The following EFL1 variants were observed in gnomAD, a reference collection of about 807,000 sequenced individuals.
EFL1 encodes elongation factor like GTPase 1.
Under a neutral mutation model 126.7 loss-of-function variants are expected in EFL1, and 76 were observed. That is an observed-to-expected ratio of 0.60 (90% CI 0.50 to 0.73). The LOEUF (loss-of-function observed/expected upper bound fraction) is 0.73. EFL1 is among the 30% of genes least tolerant of loss of function. The pLI is 0.00. For synonymous variants in EFL1, 410 were observed against 448.4 expected, an observed-to-expected ratio of 0.91 and a Z score of 1.08; for missense variants, 1,128 against 1,343.2, an observed-to-expected ratio of 0.84 and a Z score of 2.50.
intron 15 of EFL1, among the ~76,000 whole-genome samples, chr15:82,187,255 T>C (rs954936951): frequency 6.6e-6 from 1 of 152,204 alleles, no homozygotes; most frequent in Admixed American, 6.5e-5. Context: ...TTCTTTCTAA[T>C]AGCGAAAACA....
In EFL1 at chr15:82,131,726, A is replaced by G. The variant is rs182390958; in HGVS notation, c.3175-1165T>C. Among the ~76,000 whole-genome samples, 985 of 152,120 alleles carry G rather than the reference A, an allele frequency of 6.5e-3. 7 individuals are homozygous for G. Among genetic ancestry groups the G allele is most frequent in the African/African-American group, 0.022 (909 of 41,516 alleles). ...AGAATCTCTTGAACCCAGGAGGTGG[A>G]GGTTGTGGTGAGCCAAGATCACACC... On this transcript the variant is annotated intron_variant, in intron 19 of 19. Transcript: ENST00000268206.
chr15:82,256,948 T>C (rs1201562025), intron 3 of EFL1, among the ~76,000 whole-genome samples: 2 of 152,204 alleles, frequency 1.3e-5, no homozygotes, highest in African/African-American at 4.8e-5. Context: ...TAACAGACTT[T>C]TGGTATCAAA....
intron 19 of EFL1, among the ~76,000 whole-genome samples, chr15:82,135,372 A>G (rs1360866110): frequency 1.3e-5 from 2 of 152,138 alleles, no homozygotes; most frequent in African/African-American, 4.8e-5. Flanking sequence ...AAAACTGCCT[A>G]TTTGGTAAAA....
chr15:82,219,798 T>C lies in EFL1; in HGVS notation c.1465A>G (p.Ser489Gly), dbSNP rs375799865. 42 of 1,606,562 alleles carry C rather than the reference T, an allele frequency of 2.6e-5. No homozygotes were observed. The African/African-American group carries it at 5.6e-4, about 22-fold the overall frequency. The change falls in exon 14 of 20, where the codon AGT (serine) becomes GGT (glycine). Residue 489 changes from serine (S) to glycine (G), a missense_variant. Ser to Gly is a moderately conservative substitution (Grantham distance 56). This residue lies in a region of EFL1 where 120 missense variants were observed against 142.1 expected (regional missense o/e 0.84). Transcript: ENST00000268206. ...EPRGDEQQVE[S>G]MTPKPVLQEE... ...TGGAGCACAGGTTTAGGGGTCATAC[T>C]TTCCACCTGTTGCTCGTCACCTGAC...
chr15:82,198,942 C>T (rs1291154964), intron 15 of EFL1, among the ~76,000 whole-genome samples: 1 of 151,906 alleles, frequency 6.6e-6, no homozygotes, highest in Non-Finnish European at 1.5e-5. Flanking sequence ...ATATAGTAAG[C>T]ACAAAATAAA....
chr15:82,168,529 G>C (rs867966358), intron 15 of EFL1, among the ~76,000 whole-genome samples: 1 of 152,140 alleles, frequency 6.6e-6, no homozygotes, highest in Non-Finnish European at 1.5e-5. Context: ...GTTTGTTTTT[G>C]AGACGGAATC....
chr15:82,203,117 C>T lies in EFL1; in HGVS notation c.1750+11600G>A, dbSNP rs138876541. 2.2e-3 allele frequency among the ~76,000 whole-genome samples: 329 copies of T among 151,924 alleles called. 1 individual carries two copies. Among genetic ancestry groups the T allele is most frequent in the African/African-American group, 7.5e-3 (310 of 41,424 alleles). The stretch of plus-strand genomic sequence containing the variant: ...TGACCCACCACGCCCAGACTGTTCC[C>T]TAACTTTTTGAAGAAAAAACTCGTT... On this transcript the variant is annotated intron_variant, in intron 15 of 19. Coordinates refer to ENST00000268206, the MANE Select transcript of EFL1 (RefSeq NM_024580.6).
At chr15:82,217,395 A>C (rs1348661947) in intron 14 of EFL1, among the ~76,000 whole-genome samples, 1 of 139,250 alleles carries the variant, frequency 7.2e-6, no homozygotes, top group Non-Finnish European at 1.6e-5. Flanking sequence ...AAAAAAAAAA[A>C]CGAAAACAGC....
chr15:82,168,627 C>T (rs113478191), intron 15 of EFL1, among the ~76,000 whole-genome samples: 2 of 152,188 alleles, frequency 1.3e-5, no homozygotes, highest in African/African-American at 4.8e-5. Flanking sequence ...ATTCTCCCAT[C>T]TCAGCCTCCC....
At chr15:82,227,633 T>G in intron 10 of EFL1, 61 bp from the exon 11 acceptor site, 1 of 1,610,122 alleles carries the variant, frequency 6.2e-7, no homozygotes, top group Non-Finnish European at 8.5e-7. Context: ...AGGCGAAGAT[T>G]CACTGTATGC....
chr15:82,197,013 C>T (rs1425064642), intron 15 of EFL1, among the ~76,000 whole-genome samples: 1 of 143,790 alleles, frequency 7.0e-6, no homozygotes, highest in East Asian at 2.0e-4. Flanking sequence ...GCTTGGGCGA[C>T]AGAGCAAAAC....
At chr15:82,234,272 A>G (rs1371127135) in intron 7 of EFL1, among the ~76,000 whole-genome samples, 1 of 152,168 alleles carries the variant, frequency 6.6e-6, no homozygotes, top group Non-Finnish European at 1.5e-5. Flanking sequence ...AACAAGTACG[A>G]CCGTATTATA....
intron 19 of EFL1, among the ~76,000 whole-genome samples, chr15:82,132,739 G>A (rs866661142): frequency 5.0e-5 from 7 of 140,000 alleles, no homozygotes; most frequent in Admixed American, 7.3e-5. Context: ...GAATTTAGAC[G>A]AGAAACGGCA....
At chr15:82,255,645 G>A (rs1423371202) in intron 3 of EFL1, among the ~76,000 whole-genome samples, 1 of 152,092 alleles carries the variant, frequency 6.6e-6, no homozygotes, top group Non-Finnish European at 1.5e-5. Flanking sequence ...AAATAAAAAT[G>A]TCTTAACTGT....
Position 82,152,228 on chromosome 15 carries a change from T to C in EFL1, c.2226A>G (p.Ile742Met). ...IQVDSDGLIT[I>M]TTPNKLATLS... ...GCGTGGCAAGTTTATTGGGAGTTGT[T>C]ATGGTGATTAGCCCGTCAGAGTCAA... The change falls in exon 18 of 20, where the codon ATA becomes ATG. Residue 742 changes from isoleucine (I) to methionine (M), a missense_variant. By Grantham distance (10) the Ile-to-Met change is conservative (BLOSUM62 1). Transcript: ENST00000268206. 6.2e-7 allele frequency: 1 copy of C among 1,614,162 alleles called. No homozygotes were observed. Among genetic ancestry groups the C allele is most frequent in the Non-Finnish European group, 8.5e-7 (1 of 1,180,022 alleles).
intron 15 of EFL1, among the ~76,000 whole-genome samples, chr15:82,209,938 C>A (rs2074566489): frequency 6.6e-6 from 1 of 152,140 alleles, no homozygotes; most frequent in Non-Finnish European, 1.5e-5. Context: ...CCTTTTCCAA[C>A]AAAAATTTTC....
rs759318162 is a variant in EFL1 at position 82,130,453 on chromosome 15, G to A, written c.3283C>T (p.Arg1095Ter). The A allele has an allele frequency of 2.2e-5, 36 of 1,613,962 alleles. No homozygotes were observed. Among genetic ancestry groups the A allele is most frequent in the Non-Finnish European group, 2.7e-5 (32 of 1,180,040 alleles). Residue 1095 changes from arginine to a stop codon, truncating the protein, a stop_gained, in exon 20 of 20, where the codon CGA becomes TGA. Transcript: ENST00000268206. LOFTEE classifies it high-confidence loss of function. ...NQARKYMNAV[R>*]KRKGLYVEEK... ...TCCACATAAAGCCCCTTCCGCTTTC[G>A]TACTGCGTTCATGTACTTCCGGGCT...
chr15:82,141,938 T>C (rs747042608), intron 18 of EFL1, among the ~76,000 whole-genome samples: 3 of 152,172 alleles, frequency 2.0e-5, no homozygotes, highest in African/African-American at 7.2e-5. Flanking sequence ...CCATGAAAAC[T>C]ATATGTTGAT....
intron 18 of EFL1, among the ~76,000 whole-genome samples, chr15:82,148,563 T>G (rs544941788): frequency 5.6e-4 from 85 of 152,220 alleles, no homozygotes; most frequent in African/African-American, 1.4e-3. Context: ...TACCTATCTT[T>G]CTCTTCAGTG....
Sources: allele counts gnomAD v4.1 joint callset (sites outside exome capture counted in the v4.1 genomes callset), GRCh38; gene constraint gnomAD v4.1.1; regional missense constraint gnomAD v4.1.1; transcripts MANE v1.5; gene names NCBI Gene and HGNC (gene_info 2026-07-23, HGNC 2026-07-21).